The following BMP2K variants were observed in gnomAD, a reference collection of about 807,000 sequenced individuals.
The protein encoded by BMP2K is BMP2 inducible kinase.
In BMP2K, 74 loss-of-function variants were observed where a neutral mutation model predicts 116.0. That is an observed-to-expected ratio of 0.64 (90% confidence interval 0.53 to 0.77). The LOEUF (loss-of-function observed/expected upper bound fraction) is 0.77. Among genes scored for constraint, BMP2K ranks in the 30% least tolerant of loss-of-function variants. BMP2K has a pLI of 0.00. For missense variants in BMP2K, 1,365 were observed against 1,403.6 expected (o/e 0.97, Z 0.44); for synonymous variants, 486 against 502.5 (o/e 0.97, Z 0.44).
intron 7 of BMP2K, among the ~76,000 whole-genome samples, chr4:78,857,958 T>C (rs896848213): frequency 1.3e-5 from 2 of 152,160 alleles, no homozygotes; most frequent in African/African-American, 4.8e-5. Flanking sequence ...GACCTCATTA[T>C]CCTGTCCATC....
intron 7 of BMP2K, among the ~76,000 whole-genome samples, chr4:78,855,454 A>G (rs1375143771): frequency 6.6e-6 from 1 of 152,164 alleles, no homozygotes; most frequent in Non-Finnish European, 1.5e-5. Context: ...GTTAGATTAG[A>G]GATGGTGGCT....
intron 1 of BMP2K, among the ~76,000 whole-genome samples, chr4:78,818,122 AAG>A (rs1729446029): frequency 1.3e-5 from 2 of 152,324 alleles, no homozygotes; most frequent in South Asian, 4.1e-4. Context: ...TGTTTAAAAA[AAG>A]ATATATATAT....
rs559205907 is a variant in BMP2K at position 78,860,239 on chromosome 4, A to G, written c.987+552A>G. ...AAGTTACCTAATGGGTACAATATAC[A>G]CTATTTGGGTGATGGTCATACTAAA... is the stretch of plus-strand genomic sequence containing the variant. On this transcript the variant is annotated intron_variant, in intron 8 of 15. Coordinates refer to ENST00000502613, the MANE Select transcript of BMP2K (RefSeq NM_198892.2). 5.3e-5 allele frequency among the ~76,000 whole-genome samples: 8 copies of G among 151,888 alleles called. 1 individual carries two copies. The South Asian group carries it at 1.7e-3, about 31-fold the overall frequency.
chr4:78,895,682 A>C (rs1202194221), intron 15 of BMP2K, among the ~76,000 whole-genome samples: 1 of 152,180 alleles, frequency 6.6e-6, no homozygotes, highest in Non-Finnish European at 1.5e-5. Context: ...ATTGTTAAAG[A>C]AAAATCATCA....
intron 7 of BMP2K, 36 bp downstream of exon 7, chr4:78,851,092 G>GA: frequency 9.6e-6 from 15 of 1,560,196 alleles, no homozygotes; most frequent in Non-Finnish European, 1.2e-5. Flanking sequence ...AATATTGTAG[G>GA]ATACTGTACT....
intron 1 of BMP2K, among the ~76,000 whole-genome samples, chr4:78,786,687 A>G (rs1442780483): frequency 6.6e-6 from 1 of 152,200 alleles, no homozygotes. Flanking sequence ...GGGGTCTTGT[A>G]GGATATATTT....
intron 7 of BMP2K, among the ~76,000 whole-genome samples, chr4:78,853,946 C>G (rs2110036917): frequency 6.6e-6 from 1 of 152,200 alleles, no homozygotes; most frequent in South Asian, 2.1e-4. Context: ...AGGGGCAGGA[C>G]ATGCTGTCAG....
chr4:78,834,224 A>C (rs550858197), intron 3 of BMP2K, among the ~76,000 whole-genome samples: 13 of 151,940 alleles, frequency 8.6e-5, no homozygotes, highest in East Asian at 5.8e-4. Context: ...AGCATACCTT[A>C]ATCATCATCA....
chr4:78,796,242 T>C (rs1206566255), intron 1 of BMP2K, among the ~76,000 whole-genome samples: 1 of 152,048 alleles, frequency 6.6e-6, no homozygotes, highest in Non-Finnish European at 1.5e-5. Context: ...TGTAGGGACA[T>C]GGATGAAATT....
chr4:78,900,351 T>C (rs186614527), intron 15 of BMP2K, among the ~76,000 whole-genome samples: 21 of 152,334 alleles, frequency 1.4e-4, no homozygotes, highest in African/African-American at 4.6e-4. Context: ...ACATGGATTT[T>C]TGACTGTGTC....
intron 1 of BMP2K, among the ~76,000 whole-genome samples, chr4:78,783,919 C>T (rs978713611): frequency 6.6e-6 from 1 of 152,172 alleles, no homozygotes; most frequent in African/African-American, 2.4e-5. Context: ...TTAATACTGA[C>T]ATTCTCATGC....
In BMP2K at chr4:78,835,449, C is replaced by T. The variant is rs181643559; in HGVS notation, c.403+1762C>T. The stretch of plus-strand genomic sequence containing the variant: ...GACCATCCTGGCTAACACGGTGAAA[C>T]CCTGTCTCTACTAAAAATACAAAAA... On this transcript the variant is annotated intron_variant, in intron 3 of 15. Coordinates refer to ENST00000502613, the MANE Select transcript of BMP2K (RefSeq NM_198892.2). Among the ~76,000 whole-genome samples, 613 of 151,848 alleles carry T rather than the reference C, an allele frequency of 4.0e-3. 4 individuals carry two copies. The highest frequency in any genetic ancestry group is 7.2e-3 in the Non-Finnish European group (489 of 67,936).
At chr4:78,910,485 T>C (rs1034766938) in intron 15 of BMP2K, 125 bp from the exon 16 acceptor site, 1 of 805,444 alleles carries the variant, frequency 1.2e-6, no homozygotes, top group African/African-American at 1.8e-5. Flanking sequence ...GACAACATTA[T>C]TTTTTCCTCT....
intron 1 of BMP2K, among the ~76,000 whole-genome samples, chr4:78,802,009 ACTCT>A (rs1434784462): frequency 6.6e-6 from 1 of 152,088 alleles, no homozygotes; most frequent in East Asian, 1.9e-4. Flanking sequence ...TCAGTCTGAC[ACTCT>A]CTCCTTTAGT....
chr4:78,831,703 G>A (rs1429957854), intron 2 of BMP2K, among the ~76,000 whole-genome samples: 3 of 152,190 alleles, frequency 2.0e-5, no homozygotes, highest in Non-Finnish European at 2.9e-5. Context: ...TTATTTTTAA[G>A]TATTAAGAAA....
intron 10 of BMP2K, among the ~76,000 whole-genome samples, chr4:78,866,853 G>A (rs1732076477): frequency 6.6e-6 from 1 of 152,114 alleles, no homozygotes; most frequent in Admixed American, 6.5e-5. Flanking sequence ...GTTTCACCGT[G>A]TTGGCAGGCT....
At chr4:78,852,353 TTA>T (rs1317656739) in intron 7 of BMP2K, among the ~76,000 whole-genome samples, 1 of 152,136 alleles carries the variant, frequency 6.6e-6, no homozygotes, top group Non-Finnish European at 1.5e-5. Context: ...TAATCATGTA[TTA>T]TGTCTTTGAA....
intron 13 of BMP2K, among the ~76,000 whole-genome samples, chr4:78,874,345 TAAAC>T (rs916958810): frequency 2.0e-5 from 3 of 152,208 alleles, no homozygotes; most frequent in Non-Finnish European, 2.9e-5. Context: ...TTATACATTT[TAAAC>T]AAATAAGATC....
intron 12 of BMP2K, 76 bp downstream of exon 12, chr4:78,872,024 T>G: frequency 9.3e-7 from 1 of 1,072,320 alleles, no homozygotes; most frequent in South Asian, 1.5e-5. Flanking sequence ...ATCATATTAT[T>G]CAGAATTTAG....
Sources: gnomAD v4.1 joint callset for allele counts (sites outside exome capture counted in the v4.1 genomes callset) on GRCh38, gnomAD v4.1.1 for gene constraint, MANE v1.5 for transcripts, NCBI Gene and HGNC (gene_info 2026-07-23, HGNC 2026-07-21) for gene names.